FBXO16: variants seen among roughly 807,000 people sequenced by gnomAD.
The protein encoded by FBXO16 is F-box only protein 16.
Under a neutral mutation model 41.0 loss-of-function variants are expected in FBXO16, and 31 were observed. That is an observed-to-expected ratio of 0.76 (90% CI 0.57 to 1.02). FBXO16 has a LOEUF of 1.02. Among genes scored for constraint, FBXO16 ranks in the 50% least tolerant of loss-of-function variants. FBXO16 has a pLI of 0.00. For missense variants in FBXO16, 361 were observed against 346.2 expected (o/e 1.04, Z -0.34); for synonymous variants, 133 against 117.8 (o/e 1.13, Z -0.84).
chr8:28,428,494 C>A lies in FBXO16; in HGVS notation c.*233G>T, dbSNP rs1169363434. ...AAGCTGAAAGAGTTTCTAATGGGAG[C>A]CAAGTAAATTCAGCTCTCCACTGTG... On this transcript the variant is annotated 3_prime_UTR_variant, in exon 9 of 9. Transcript: ENST00000380254. 2.1e-6 allele frequency: 3 copies of A among 1,431,202 alleles called. No individual in the cohort carries two copies. Among genetic ancestry groups the A allele is most frequent in the Admixed American group, 5.0e-5 (2 of 39,740 alleles). 88.7% of individuals were successfully genotyped at this position (1,431,202 alleles called of 1,614,324 possible). A position where few individuals can be genotyped will look rare whatever the true frequency, so the allele number is the denominator to read the frequency against.
rs541311027 is a variant in FBXO16 at position 28,429,666 on chromosome 8, G to A, written c.844-263C>T. 2.7e-4 allele frequency among the ~76,000 whole-genome samples: 41 copies of A among 151,248 alleles called. 1 individual carries two copies. In the South Asian group the frequency reaches 4.6e-3, roughly 17 times the overall value. ...GTCCTTGTCACATCTCTCTAACACC[G>A]TGGTGGGTGGGTATGTTTGCAATAC... On this transcript the variant is annotated intron_variant, in intron 7 of 8. Transcript: ENST00000380254.
chr8:28,460,323 A>G (rs1002173370), intron 4 of FBXO16, among the ~76,000 whole-genome samples: 1 of 119,156 alleles, frequency 8.4e-6, no homozygotes, highest in Non-Finnish European at 1.6e-5. Context: ...ATCATAGCTT[A>G]CTGTAGCCTT....
At chr8:28,484,730 T>G (rs945884822) in intron 1 of FBXO16, among the ~76,000 whole-genome samples, 4 of 151,732 alleles carry the variant, frequency 2.6e-5, no homozygotes, top group African/African-American at 9.7e-5. Flanking sequence ...TAGCTGGGAC[T>G]ACAGGCGCCC....
chr8:28,484,775 A>T (rs1803574833), intron 1 of FBXO16, among the ~76,000 whole-genome samples: 1 of 151,604 alleles, frequency 6.6e-6, no homozygotes, highest in Admixed American at 6.6e-5. Flanking sequence ...TTGTATTTTT[A>T]GTAGAGACGG....
chr8:28,447,126 T>G, intron 7 of FBXO16, 45 bp downstream of exon 7: 1 of 1,520,980 alleles, frequency 6.6e-7, no homozygotes, highest in East Asian at 2.3e-5. Flanking sequence ...ATCTGGAGAT[T>G]TTCATTAATG....
chr8:28,452,452 T>C lies in FBXO16; in HGVS notation c.532A>G (p.Ile178Val). ...PKTPPKDGFV[I>V]ADVQLVTSNS... ...CTTGTAACTAGTTGAACGTCAGCGA[T>C]TACAAATCCATCCTTTGGGGGTGTC... The change falls in exon 6 of 9, where the codon ATC (isoleucine) becomes GTC (valine). Residue 178 changes from isoleucine (I) to valine (V), a missense_variant. Ile to Val is a conservative substitution (Grantham distance 29, BLOSUM62 3). Coordinates refer to ENST00000380254, the MANE Select transcript of FBXO16 (RefSeq NM_172366.4). 5.0e-6 allele frequency: 8 copies of C among 1,614,100 alleles called. No homozygotes were observed. The highest frequency in any genetic ancestry group is 6.8e-6 in the Non-Finnish European group (8 of 1,180,036).
At chr8:28,452,672 G>C (rs1436132167) in intron 5 of FBXO16, among the ~76,000 whole-genome samples, 196 bp from the exon 6 acceptor site, 1 of 152,074 alleles carries the variant, frequency 6.6e-6, no homozygotes, top group African/African-American at 2.4e-5. Flanking sequence ...GTGGTGGCGG[G>C]CACCTGTAGT....
chr8:28,467,972 G>A (rs554887025), intron 3 of FBXO16, among the ~76,000 whole-genome samples: 19 of 152,166 alleles, frequency 1.2e-4, no homozygotes, highest in Non-Finnish European at 2.2e-4. Context: ...ACTACCAACT[G>A]AAGAAGGTTA....
chr8:28,441,366 A>G (rs1238113764), intron 7 of FBXO16, among the ~76,000 whole-genome samples: 5 of 152,102 alleles, frequency 3.3e-5, no homozygotes, highest in East Asian at 1.9e-4. Context: ...CTCTCTCCCT[A>G]TGAGTTTAGC....
intron 7 of FBXO16, among the ~76,000 whole-genome samples, chr8:28,445,070 G>A (rs1802842770): frequency 6.6e-6 from 1 of 151,964 alleles, no homozygotes; most frequent in African/African-American, 2.4e-5. Flanking sequence ...CTCATCACCG[G>A]CATGAGTCAA....
At chr8:28,446,419 T>C (rs1386415848) in intron 7 of FBXO16, among the ~76,000 whole-genome samples, 1 of 151,330 alleles carries the variant, frequency 6.6e-6, no homozygotes, top group African/African-American at 2.4e-5. Context: ...GTGATCCTCC[T>C]GCCTCAGCCT....
At chr8:28,452,181 A>G in intron 6 of FBXO16, 63 bp downstream of exon 6, 1 of 1,461,442 alleles carries the variant, frequency 6.8e-7, no homozygotes, top group Non-Finnish European at 9.4e-7. Flanking sequence ...CTCTTCGTAT[A>G]CTGAAATGCC....
chr8:28,466,733 T>C (rs1252973585), intron 3 of FBXO16, among the ~76,000 whole-genome samples: 1 of 150,604 alleles, frequency 6.6e-6, no homozygotes, highest in Non-Finnish European at 1.5e-5. Context: ...AAAAGGAAGG[T>C]GAGAGGCGAG....
chr8:28,440,247 C>A (rs546160974), intron 7 of FBXO16, among the ~76,000 whole-genome samples: 1 of 152,092 alleles, frequency 6.6e-6, no homozygotes, highest in Non-Finnish European at 1.5e-5. Context: ...GGACTACAGG[C>A]ATGCGACACC....
At chr8:28,452,589 T>C (rs983519604) in intron 5 of FBXO16, 113 bp from the exon 6 acceptor site, 2 of 951,528 alleles carry the variant, frequency 2.1e-6, no homozygotes, top group African/African-American at 3.3e-5. Flanking sequence ...TCACCTGAGG[T>C]CAGAAGTTCG....
At chr8:28,451,925 A>T (rs1327152737) in intron 6 of FBXO16, among the ~76,000 whole-genome samples, 1 of 150,782 alleles carries the variant, frequency 6.6e-6, no homozygotes, top group African/African-American at 2.4e-5. Flanking sequence ...TGGAGGTTGC[A>T]GTGAGCTGAG....
chr8:28,456,771 G>T lies in FBXO16; in HGVS notation c.502C>A (p.Pro168Thr), dbSNP rs370950711. Reference sequence around the variant, plus strand: ...GCTTTCTGTCTAAAATTCACCTTAGGCTTGGTAATATGAAGTTCTTTCACC... The same window carrying T: ...GCTTTCTGTCTAAAATTCACCTTAGTCTTGGTAATATGAAGTTCTTTCACC... ...QMVKELHITK[P>T]KTPPKDGFVI... The change falls in exon 5 of 9, where the codon CCT becomes ACT. Residue 168 changes from proline (P) to threonine (T), a missense_variant. Coordinates refer to ENST00000380254, the MANE Select transcript of FBXO16 (RefSeq NM_172366.4). 2.8e-5 allele frequency: 45 copies of T among 1,613,828 alleles called. No individual in the cohort carries two copies. The East Asian group carries it at 2.9e-4, about 10-fold the overall frequency.
intron 7 of FBXO16, among the ~76,000 whole-genome samples, chr8:28,433,378 G>A (rs1439709253): frequency 6.6e-6 from 1 of 152,240 alleles, no homozygotes; most frequent in Non-Finnish European, 1.5e-5. Flanking sequence ...ATGGCTGGAT[G>A]TGTTTCTGTT....
At chr8:28,482,232 C>A (rs1235991462) in intron 2 of FBXO16, among the ~76,000 whole-genome samples, 1 of 152,150 alleles carries the variant, frequency 6.6e-6, no homozygotes. Flanking sequence ...AAATCCCAGA[C>A]TGGACAGGGA....
Sources: gnomAD v4.1 joint callset for allele counts (sites outside exome capture counted in the v4.1 genomes callset) on GRCh38, gnomAD v4.1.1 for gene constraint, MANE v1.5 for transcripts, NCBI Gene and HGNC (gene_info 2026-07-23, HGNC 2026-07-21) for gene names.